The following SMYD3 variants were observed in gnomAD, a reference collection of about 807,000 sequenced individuals.
SMYD3 encodes histone-lysine N-methyltransferase SMYD3.
Under a neutral mutation model 57.7 loss-of-function variants are expected in SMYD3, and 36 were observed. That is an observed-to-expected ratio of 0.62 (90% CI 0.48 to 0.82). SMYD3 has a LOEUF of 0.82. Ranked by LOEUF, SMYD3 falls within the 40% of genes least tolerant of loss-of-function variation. SMYD3 has a pLI of 0.00. For missense variants in SMYD3, 515 were observed against 538.8 expected (o/e 0.96, Z 0.44); for synonymous variants, 211 against 195.0 (o/e 1.08, Z -0.68).
intron 1 of SMYD3, among the ~76,000 whole-genome samples, chr1:246,485,561 C>G (rs1245624408): frequency 1.3e-5 from 2 of 152,026 alleles, no homozygotes; most frequent in East Asian, 1.9e-4. Context: ...GCAAGAGGAT[C>G]ACTTGAGGCC....
At chr1:246,323,178 T>A (rs1222981500) in intron 5 of SMYD3, among the ~76,000 whole-genome samples, 2 of 152,246 alleles carry the variant, frequency 1.3e-5, no homozygotes, top group African/African-American at 4.8e-5. Context: ...ACTCAGTTTT[T>A]ACAGCCAGGC....
At position 245,863,036 on chromosome 1, in the gene SMYD3, T is replaced by A. The variant is rs138665565; in HGVS notation, c.901+763A>T. On this transcript the variant is annotated intron_variant, in intron 9 of 11. Coordinates refer to ENST00000490107, the MANE Select transcript of SMYD3 (RefSeq NM_001167740.2). The stretch of plus-strand genomic sequence containing the variant: ...TCGTCAGCAAATTGGAAACCTCATC[T>A]GCTATGTTCTTAGTGCCTGGGATAT... Among the ~76,000 whole-genome samples the A allele has an allele frequency of 9.1e-4, 138 of 152,342 alleles. 1 individual carries two copies. The highest frequency in any genetic ancestry group is 2.8e-3 in the African/African-American group (115 of 41,584).
At chr1:245,960,325 G>C (rs963274799) in intron 5 of SMYD3, among the ~76,000 whole-genome samples, 3 of 152,162 alleles carry the variant, frequency 2.0e-5, no homozygotes, top group African/African-American at 7.2e-5. Context: ...GATTCACATG[G>C]CTTTGTTATC....
chr1:246,139,746 T>C (rs2061722226), intron 5 of SMYD3, among the ~76,000 whole-genome samples: 1 of 152,220 alleles, frequency 6.6e-6, no homozygotes, highest in Non-Finnish European at 1.5e-5. Context: ...ACAGGCTATT[T>C]CTCCAATTTT....
At chr1:246,207,548 A>G (rs1013880417) in intron 5 of SMYD3, among the ~76,000 whole-genome samples, 1 of 152,180 alleles carries the variant, frequency 6.6e-6, no homozygotes, top group African/African-American at 2.4e-5. Flanking sequence ...ACATAGGAGT[A>G]TAAGCTAAAG....
chr1:245,929,155 G>A (rs56043811), intron 6 of SMYD3, among the ~76,000 whole-genome samples: 2 of 152,168 alleles, frequency 1.3e-5, no homozygotes, highest in Non-Finnish European at 2.9e-5. Flanking sequence ...CCTGAACGCA[G>A]AGCCCATGCT....
At chr1:245,963,967 A>G (rs2058075190) in intron 5 of SMYD3, among the ~76,000 whole-genome samples, 1 of 152,244 alleles carries the variant, frequency 6.6e-6, no homozygotes, top group East Asian at 1.9e-4. Context: ...TGCATTTGCT[A>G]TAAAGACGTA....
At chr1:245,825,412 A>G (rs1377493708) in intron 10 of SMYD3, among the ~76,000 whole-genome samples, 2 of 152,174 alleles carry the variant, frequency 1.3e-5, no homozygotes, top group Non-Finnish European at 2.9e-5. Flanking sequence ...GAGATTGGCA[A>G]GCGGCCCCTC....
At chr1:246,362,447 CT>C (rs1558424243) in intron 1 of SMYD3, among the ~76,000 whole-genome samples, 1 of 2,388 alleles carries the variant, frequency 4.2e-4, no homozygotes, top group East Asian at 0.015. Context: ...CACGGTCTCC[CT>C]CTCCCTCTCC....
At chr1:246,120,640 T>C (rs538739374) in intron 5 of SMYD3, among the ~76,000 whole-genome samples, 1 of 152,322 alleles carries the variant, frequency 6.6e-6, no homozygotes, top group East Asian at 1.9e-4. Flanking sequence ...GCACTTGGCA[T>C]AATGCGTGGC....
intron 5 of SMYD3, among the ~76,000 whole-genome samples, chr1:246,047,916 A>T (rs1352513364): frequency 2.0e-5 from 3 of 152,204 alleles, no homozygotes; most frequent in Non-Finnish European, 4.4e-5. Flanking sequence ...GGAAACCCAC[A>T]GGGCATTTTT....
chr1:246,181,629 T>C (rs2062552624), intron 5 of SMYD3, among the ~76,000 whole-genome samples: 1 of 152,248 alleles, frequency 6.6e-6, no homozygotes, highest in Admixed American at 6.5e-5. Context: ...TCTTAACTTG[T>C]ATGGTTTTAT....
intron 5 of SMYD3, among the ~76,000 whole-genome samples, chr1:246,236,491 T>C (rs1274865309): frequency 1.3e-5 from 2 of 152,164 alleles, no homozygotes; most frequent in Non-Finnish European, 2.9e-5. Flanking sequence ...CTCGGCTCAC[T>C]GCAAGCTCTG....
At chr1:246,185,449 CTTT>C (rs1183038960) in intron 5 of SMYD3, among the ~76,000 whole-genome samples, 1 of 80,060 alleles carries the variant, frequency 1.2e-5, no homozygotes, top group Non-Finnish European at 2.3e-5. Flanking sequence ...GTTAGTGATT[CTTT>C]TTTTTTTTTT....
At chr1:246,107,013 T>C (rs185066421) in intron 5 of SMYD3, among the ~76,000 whole-genome samples, 46 of 152,246 alleles carry the variant, frequency 3.0e-4, no homozygotes, top group African/African-American at 9.4e-4. Context: ...AAAAAGAATT[T>C]TGAAGGCCGG....
chr1:245,891,273 C>T (rs780399509), intron 8 of SMYD3, among the ~76,000 whole-genome samples: 2 of 152,132 alleles, frequency 1.3e-5, no homozygotes, highest in Non-Finnish European at 2.9e-5. Context: ...GCAATGGATA[C>T]CCCATTTATC....
chr1:246,301,561 C>T (rs756337899), intron 5 of SMYD3, among the ~76,000 whole-genome samples: 4 of 152,128 alleles, frequency 2.6e-5, no homozygotes, highest in Non-Finnish European at 5.9e-5. Flanking sequence ...TAATAAACTG[C>T]ATGCACACAT....
rs116248625 is a variant in SMYD3, at chr1:246,415,916, G to A, written c.165-60822C>T. Among the ~76,000 whole-genome samples, 309 of 152,254 alleles carry A rather than the reference G, an allele frequency of 2.0e-3. 1 individual carries two copies. The highest frequency in any genetic ancestry group is 7.3e-3 in the African/African-American group (303 of 41,544). On this transcript the variant is annotated intron_variant, in intron 1 of 11. Transcript: ENST00000490107. ...AATTCTGTTAGTTAACTTTCCGTAT[G>A]TTATGCCTTGAACTGCATACATGTA... is the stretch of plus-strand genomic sequence containing the variant.
intron 5 of SMYD3, among the ~76,000 whole-genome samples, chr1:246,254,271 T>C (rs1013836646): frequency 6.6e-5 from 10 of 152,210 alleles, no homozygotes; most frequent in African/African-American, 2.4e-4. Context: ...TAGTTTCAGA[T>C]CTTAAACTTA....
Sources: gnomAD v4.1 joint callset for allele counts (sites outside exome capture counted in the v4.1 genomes callset) on GRCh38, gnomAD v4.1.1 for gene constraint, MANE v1.5 for transcripts, NCBI Gene and HGNC (gene_info 2026-07-23, HGNC 2026-07-21) for gene names.